CYRIA: variants seen among roughly 807,000 people sequenced by gnomAD.
The protein encoded by CYRIA is CYFIP related Rac1 interactor A.
CYRIA carries 15 observed loss-of-function variants against 43.9 expected under a neutral mutation model. That is an observed-to-expected ratio of 0.34 (90% confidence interval 0.23 to 0.53). CYRIA has a LOEUF of 0.53. Among genes scored for constraint, CYRIA ranks in the 20% least tolerant of loss-of-function variants. The pLI is 0.94. For missense variants in CYRIA, 236 were observed against 394.2 expected (o/e 0.60, Z 3.40); for synonymous variants, 117 against 136.0 (o/e 0.86, Z 0.97).
At chr2:16,652,359 T>C (rs1171664060) in intron 1 of CYRIA, among the ~76,000 whole-genome samples, 1 of 152,210 alleles carries the variant, frequency 6.6e-6, no homozygotes, top group East Asian at 1.9e-4. Context: ...GGGCAGAGGA[T>C]ACGAGGTGGG....
chr2:16,634,879 T>C (rs1290806102), intron 1 of CYRIA, among the ~76,000 whole-genome samples: 1 of 152,178 alleles, frequency 6.6e-6, no homozygotes, highest in East Asian at 1.9e-4. Flanking sequence ...TGTCCCACGC[T>C]CCCAGCAAGT....
intron 3 of CYRIA, among the ~76,000 whole-genome samples, chr2:16,587,157 T>C (rs1205325151): frequency 1.3e-5 from 2 of 152,134 alleles, no homozygotes; most frequent in Non-Finnish European, 2.9e-5. Flanking sequence ...AATCAAATAA[T>C]ACATAAAGAA....
chr2:16,654,286 G>A (rs1200503562), intron 1 of CYRIA, among the ~76,000 whole-genome samples: 1 of 152,172 alleles, frequency 6.6e-6, no homozygotes, highest in Non-Finnish European at 1.5e-5. Flanking sequence ...TGACACATCT[G>A]GAAGTATCCA....
chr2:16,625,160 A>G (rs114938367), intron 1 of CYRIA, among the ~76,000 whole-genome samples: 2,745 of 148,660 alleles, frequency 0.018, 84 homozygotes, highest in African/African-American at 0.064. Context: ...GGGGTGGGGG[A>G]TGGTGGTGGG....
At chr2:16,630,569 C>T (rs1286599599) in intron 1 of CYRIA, among the ~76,000 whole-genome samples, 1 of 152,174 alleles carries the variant, frequency 6.6e-6, no homozygotes, top group Non-Finnish European at 1.5e-5. Context: ...AAACTGGCTG[C>T]AGCATTCAGG....
intron 1 of CYRIA, among the ~76,000 whole-genome samples, chr2:16,655,432 C>A (rs1216356140): frequency 6.6e-6 from 1 of 152,220 alleles, no homozygotes; most frequent in South Asian, 2.1e-4. Flanking sequence ...TAGGCTTATA[C>A]CCAGGGGACT....
chr2:16,570,902 C>T (rs1175963667), intron 3 of CYRIA, among the ~76,000 whole-genome samples: 5 of 152,074 alleles, frequency 3.3e-5, no homozygotes, highest in Admixed American at 6.5e-5. Flanking sequence ...AATTATTTCA[C>T]GGAAATTGAG....
At chr2:16,575,064 C>G (rs1442409126) in intron 3 of CYRIA, among the ~76,000 whole-genome samples, 1 of 152,194 alleles carries the variant, frequency 6.6e-6, no homozygotes, top group Non-Finnish European at 1.5e-5. Flanking sequence ...CGCAGAGATG[C>G]CCAAGGCCTT....
intron 2 of CYRIA, among the ~76,000 whole-genome samples, chr2:16,618,638 G>A (rs1426180156): frequency 6.6e-6 from 1 of 152,198 alleles, no homozygotes; most frequent in African/African-American, 2.4e-5. Context: ...GCCCCTCGCT[G>A]TTGAGATGTT....
At chr2:16,611,932 C>T (rs528379551) in intron 2 of CYRIA, among the ~76,000 whole-genome samples, 6 of 152,236 alleles carry the variant, frequency 3.9e-5, no homozygotes, top group Non-Finnish European at 8.8e-5. Flanking sequence ...GGCTCTTAAG[C>T]CTGCTCTGAA....
At chr2:16,631,426 C>T (rs1447478724) in intron 1 of CYRIA, among the ~76,000 whole-genome samples, 2 of 152,186 alleles carry the variant, frequency 1.3e-5, no homozygotes, top group African/African-American at 4.8e-5. Context: ...AGGCTGTTGT[C>T]AGGCTGTGGA....
At chr2:16,606,488 T>C (rs1360002839) in intron 2 of CYRIA, among the ~76,000 whole-genome samples, 3 of 151,346 alleles carry the variant, frequency 2.0e-5, no homozygotes, top group Non-Finnish European at 4.4e-5. Flanking sequence ...GAATGTCACA[T>C]ATACAACTAA....
rs1668254742 is a variant in CYRIA at position 16,602,734 on chromosome 2, G to A, written c.-10-14605C>T. Among the ~76,000 whole-genome samples the A allele has an allele frequency of 2.0e-5, 3 of 152,150 alleles. No homozygotes were observed. The South Asian group carries it at 6.2e-4, about 32-fold the overall frequency. ...GAATCCACAGCACATTAGGGTCAAA[G>A]AAGGGACTAGAAGAGAGATGTTGTG... On this transcript the variant is annotated intron_variant, in intron 2 of 11. Transcript: ENST00000381323.
rs369930472 is a variant in CYRIA, at chr2:16,565,717, C to G, written c.121G>C (p.Val41Leu). 1.9e-6 allele frequency: 3 copies of G among 1,589,044 alleles called. No individual in the cohort carries two copies. Among genetic ancestry groups the G allele is most frequent in the Non-Finnish European group, 2.6e-6 (3 of 1,161,202 alleles). Residue 41 changes from valine to leucine, a missense_variant, in exon 4 of 12, where the codon GTC becomes CTC. This residue lies in a region of CYRIA where 193 missense variants were observed against 303.9 expected (regional missense o/e 0.64). Coordinates refer to ENST00000381323, the MANE Select transcript of CYRIA (RefSeq NM_030797.4). ...EREIWNQISA[V>L]LQDSESILAD... is the part of the protein sequence containing the mutation. ...AGGATGCTCTCAGAATCCTGAAGGA[C>G]GGCGCTGATCTGGTTCCAGATTTCT...
intron 2 of CYRIA, among the ~76,000 whole-genome samples, chr2:16,610,070 T>C (rs1180016703): frequency 6.6e-6 from 1 of 152,260 alleles, no homozygotes; most frequent in Admixed American, 6.5e-5. Context: ...GAGTACTTAC[T>C]GCTTACTTAG....
chr2:16,571,117 C>T (rs957631083), intron 3 of CYRIA, among the ~76,000 whole-genome samples: 9 of 152,100 alleles, frequency 5.9e-5, no homozygotes, highest in African/African-American at 1.7e-4. Context: ...AAGTGCCCTG[C>T]GACCTTGCAC....
At chr2:16,589,545 A>G (rs1667849546) in intron 2 of CYRIA, among the ~76,000 whole-genome samples, 1 of 152,116 alleles carries the variant, frequency 6.6e-6, no homozygotes. Context: ...TCTGTTATCC[A>G]GGGCAAGAGA....
chr2:16,559,572 C>G lies in CYRIA; in HGVS notation c.725G>C (p.Arg242Thr). Residue 242 changes from arginine to threonine, a missense_variant, in exon 10 of 12, where the codon AGG becomes ACG. Arg to Thr is a moderately conservative substitution (Grantham distance 71, BLOSUM62 -1). This residue lies in a region of CYRIA where 193 missense variants were observed against 303.9 expected (regional missense o/e 0.64). Coordinates refer to ENST00000381323, the MANE Select transcript of CYRIA (RefSeq NM_030797.4). Reference protein sequence around the residue: ...VMLETPEYRSRFTSEETLMFC... With the variant: ...VMLETPEYRSTFTSEETLMFC... ...CATCAGGGTCTCTTCACTCGTAAAC[C>G]TACTTCTGTACTCCCTGCAAGAGAA... 1.9e-6 allele frequency: 3 copies of G among 1,612,706 alleles called. No homozygotes were observed. Among genetic ancestry groups the G allele is most frequent in the Non-Finnish European group, 2.5e-6 (3 of 1,179,154 alleles).
In CYRIA at chr2:16,650,492, T is replaced by C. The variant is rs1266820532; in HGVS notation, c.-167+15288A>G. ...GGCCAGTTCCTGATATCAGGGATGA[T>C]GCAACAACAGACCAAGAGGCCTACA... On this transcript the variant is annotated intron_variant, in intron 1 of 11. Transcript: ENST00000381323. The surrounding 1 kb of genome is among the most constrained non-coding windows in gnomAD (Gnocchi z 4.1). Among the ~76,000 whole-genome samples, 1 of 152,224 alleles carries C rather than the reference T, an allele frequency of 6.6e-6. No individual in the cohort carries two copies. Among genetic ancestry groups the C allele is most frequent in the Non-Finnish European group, 1.5e-5 (1 of 68,036 alleles).
Sources: gnomAD v4.1 joint callset for allele counts (sites outside exome capture counted in the v4.1 genomes callset) on GRCh38, gnomAD v4.1.1 for gene constraint, gnomAD v4.1.1 regional missense constraint, Gnocchi (gnomAD v3.1) non-coding constraint, MANE v1.5 for transcripts, NCBI Gene and HGNC (gene_info 2026-07-23, HGNC 2026-07-21) for gene names.